Variants in FABP12 observed in about 807,000 individuals in gnomAD.
FABP12 encodes fatty acid-binding protein 12.
FABP12 carries 19 observed loss-of-function variants against 13.7 expected under a neutral mutation model. The ratio of observed to expected loss-of-function variants is 1.39; its 90% CI spans 0.97 to 2.04. The LOEUF (loss-of-function observed/expected upper bound fraction) is 2.04, where lower values mean the gene tolerates loss of function less well. Ranked by LOEUF, FABP12 falls within the 30% of genes most tolerant of loss-of-function variation. The pLI, the probability that FABP12 is intolerant of heterozygous loss-of-function variation, is 0.00. For synonymous variants in FABP12, 61 were observed against 57.0 expected (o/e 1.07, Z -0.32); for missense variants, 182 against 164.2 (o/e 1.11, Z -0.59).
chr8:81,577,065 T>C (rs561972981), intron 1 of FABP12, among the ~76,000 whole-genome samples: 2 of 152,360 alleles, frequency 1.3e-5, no homozygotes, highest in East Asian at 1.9e-4. Flanking sequence ...AGTTTTCTAC[T>C]GATGATCCTT....
intron 1 of FABP12, among the ~76,000 whole-genome samples, chr8:81,565,478 A>C (rs1809803380): frequency 6.6e-6 from 1 of 152,238 alleles, no homozygotes; most frequent in Admixed American, 6.5e-5. Flanking sequence ...TTGAAATTAT[A>C]TCGTGTATCT....
chr8:81,540,950 G>A (rs189120424), intron 1 of FABP12, among the ~76,000 whole-genome samples: 33 of 151,892 alleles, frequency 2.2e-4, no homozygotes, highest in Non-Finnish European at 2.9e-4. Context: ...GGTGGATCAC[G>A]AGGTCAGGAG....
intron 1 of FABP12, among the ~76,000 whole-genome samples, chr8:81,547,921 G>T (rs2130005228): frequency 6.6e-6 from 1 of 152,312 alleles, no homozygotes; most frequent in Non-Finnish European, 1.5e-5. Context: ...GCTTAGAGAA[G>T]TGAAAGGACT....
At chr8:81,564,579 C>T (rs79444677) in intron 1 of FABP12, among the ~76,000 whole-genome samples, 2,185 of 152,160 alleles carry the variant, frequency 0.014, 43 homozygotes, top group African/African-American at 0.049. Context: ...AGTTTTCTCT[C>T]TGTCAGTTTG....
chr8:81,525,124 C>A lies in FABP12; in HGVS notation c.349-4G>T. The A allele has an allele frequency of 6.4e-7, 1 of 1,563,842 alleles. No individual in the cohort carries two copies. The highest frequency in any genetic ancestry group is 8.7e-7 in the Non-Finnish European group (1 of 1,146,654). On this transcript the variant is annotated splice_polypyrimidine_tract_variant and splice_region_variant and intron_variant, in intron 4 of 4. Transcript: ENST00000360464. ...TAACACTGTTCACAGTACTTTCCTA[C>A]AAGACAAAAGAAATATGAGGTATTT...
chr8:81,536,179 C>G (rs1483710292), upstream of FABP12, among the ~76,000 whole-genome samples: 1 of 152,194 alleles, frequency 6.6e-6, no homozygotes, highest in Non-Finnish European at 1.5e-5. Flanking sequence ...AGAGCAACCA[C>G]TGAAACTCTT....
intron 1 of FABP12, among the ~76,000 whole-genome samples, chr8:81,574,796 CCTA>C (rs1810005077): frequency 6.6e-6 from 1 of 151,566 alleles, no homozygotes; most frequent in South Asian, 2.1e-4. Context: ...AGTCGTAATA[CCTA>C]CTGTTTTGTT....
At chr8:81,554,418 C>T (rs1809573716) in intron 1 of FABP12, among the ~76,000 whole-genome samples, 1 of 152,184 alleles carries the variant, frequency 6.6e-6, no homozygotes. Flanking sequence ...GATACACAGT[C>T]CCTAAATGGC....
At chr8:81,584,094 A>G (rs1256193794) in intron 1 of FABP12, among the ~76,000 whole-genome samples, 2 of 152,202 alleles carry the variant, frequency 1.3e-5, no homozygotes, top group East Asian at 1.9e-4. Context: ...AAAAACATAT[A>G]ATCATCTCAA....
chr8:81,574,525 C>T (rs1465655942), intron 1 of FABP12, among the ~76,000 whole-genome samples: 6 of 151,948 alleles, frequency 3.9e-5, no homozygotes, highest in African/African-American at 9.7e-5. Context: ...TCAATAGGAT[C>T]GGTACCAATT....
chr8:81,562,622 G>T (rs896277863), intron 1 of FABP12, among the ~76,000 whole-genome samples: 6 of 152,094 alleles, frequency 3.9e-5, no homozygotes, highest in African/African-American at 1.2e-4. Context: ...GAACATTGGT[G>T]GTAGCCAGGC....
At chr8:81,562,970 G>A (rs1809749503) in intron 1 of FABP12, among the ~76,000 whole-genome samples, 1 of 152,222 alleles carries the variant, frequency 6.6e-6, no homozygotes, top group African/African-American at 2.4e-5. Context: ...CAGGACTTGT[G>A]TGAGACCCAG....
chr8:81,570,958 C>T (rs1272922508), intron 1 of FABP12, among the ~76,000 whole-genome samples: 2 of 152,178 alleles, frequency 1.3e-5, no homozygotes, highest in East Asian at 3.9e-4. Flanking sequence ...CCCTTCTGCC[C>T]AGGAGCCCGT....
rs557402019 is a variant in FABP12, at chr8:81,571,239, C to A, written c.-185+18814G>T. On this transcript the variant is annotated intron_variant, in intron 1 of 5. Transcript: ENST00000692030. ...GAGGCCAGGCAGCCAGAGCAGGCAC[C>A]TCCGAGCCTGCAAGGGCAAGTGGGG... 5.3e-5 allele frequency among the ~76,000 whole-genome samples: 8 copies of A among 152,356 alleles called. No homozygotes were observed. The South Asian group carries it at 1.7e-3, about 32-fold the overall frequency.
intron 1 of FABP12, among the ~76,000 whole-genome samples, chr8:81,550,249 CT>C (rs1176845718): frequency 6.6e-6 from 1 of 152,122 alleles, no homozygotes; most frequent in African/African-American, 2.4e-5. Context: ...CAACCTTGTT[CT>C]CATTAGAGTC....
chr8:81,544,198 A>T (rs78278400), intron 1 of FABP12, among the ~76,000 whole-genome samples: 3,987 of 152,244 alleles, frequency 0.026, 165 homozygotes, highest in African/African-American at 0.091. Flanking sequence ...GGCTGTTGTA[A>T]CGAATTAACG....
intron 1 of FABP12, among the ~76,000 whole-genome samples, chr8:81,582,118 A>ATTTTT (rs34960860): frequency 1.3e-3 from 128 of 96,750 alleles, no homozygotes; most frequent in East Asian, 2.8e-3. Flanking sequence ...GCTAACTGGA[A>ATTTTT]TTTTTTTTTT....
Position 81,541,809 on chromosome 8 carries a change from C to T in FABP12, c.-184-2066G>A, listed in dbSNP as rs372616049. On this transcript the variant is annotated intron_variant, in intron 1 of 5. Coordinates refer to the FABP12 transcript ENST00000692030. ...GATGTTGTGCTTTACTTGTCAGATC[C>T]GACCATGACTTGGAAGTATCCAGAA... 3.0e-3 allele frequency among the ~76,000 whole-genome samples: 442 copies of T among 149,524 alleles called. 3 individuals carry two copies. The highest frequency in any genetic ancestry group is 9.2e-3 in the South Asian group (44 of 4,772).
At chr8:81,579,291 TC>T (rs780868510) in intron 1 of FABP12, among the ~76,000 whole-genome samples, 38 of 152,280 alleles carry the variant, frequency 2.5e-4, no homozygotes, top group Non-Finnish European at 5.1e-4. Context: ...TTTACTGTTT[TC>T]AGATTTCTCC....
Sources: allele counts gnomAD v4.1 joint callset (sites outside exome capture counted in the v4.1 genomes callset), GRCh38; gene constraint gnomAD v4.1.1; transcripts MANE v1.5; gene names NCBI Gene and HGNC (gene_info 2026-07-23, HGNC 2026-07-21).